The following DDHD1 variants were observed in gnomAD, a reference collection of about 807,000 sequenced individuals.
DDHD1 encodes DDHD domain containing 1.
DDHD1 carries 49 observed loss-of-function variants against 96.4 expected under a neutral mutation model. That is an observed-to-expected ratio of 0.51 (90% CI 0.40 to 0.64). DDHD1 has a LOEUF of 0.64. Among genes scored for constraint, DDHD1 ranks in the 30% least tolerant of loss-of-function variants. DDHD1 has a pLI of 0.00. For missense variants in DDHD1, 1,106 were observed against 1,161.2 expected, an observed-to-expected ratio of 0.95 and a Z score of 0.69; for synonymous variants, 442 against 446.5, an observed-to-expected ratio of 0.99 and a Z score of 0.13.
intron 1 of DDHD1, among the ~76,000 whole-genome samples, chr14:53,120,935 A>T (rs1888933765): frequency 3.9e-5 from 6 of 152,242 alleles, no homozygotes; most frequent in Admixed American, 3.9e-4. Flanking sequence ...CAAAAAGTCA[A>T]AATTGACAAG....
chr14:53,061,506 C>T, intron 7 of DDHD1, among the ~76,000 whole-genome samples: 1 of 152,000 alleles, frequency 6.6e-6, no homozygotes, highest in Middle Eastern at 3.4e-3. Context: ...ATGGTTAATA[C>T]CATATATACT....
intron 1 of DDHD1, among the ~76,000 whole-genome samples, chr14:53,143,786 C>T (rs544812610): frequency 1.3e-5 from 2 of 152,308 alleles, no homozygotes; most frequent in African/African-American, 4.8e-5. Context: ...ACATAAAGTA[C>T]ATTGATTTCT....
At chr14:53,065,999 T>C (rs1030705997) in intron 6 of DDHD1, among the ~76,000 whole-genome samples, 1 of 152,216 alleles carries the variant, frequency 6.6e-6, no homozygotes, top group Non-Finnish European at 1.5e-5. Context: ...GACCATGAAT[T>C]GTACCGGAAA....
Position 53,038,355 on chromosome 14 carries a change from G to A in DDHD1, c.*8413C>T, listed in dbSNP as rs1433907586. ...CAAAATCAATGCACAAAAATTAGGA[G>A]CATTTCTATACACCAATAACGTTCA... On this transcript the variant is annotated 3_prime_UTR_variant, in exon 13 of 13. Transcript: ENST00000673822. 1 of 152,106 alleles carries A rather than the reference G, an allele frequency of 6.6e-6. No homozygotes were observed. The highest frequency in any genetic ancestry group is 2.4e-5 in the African/African-American group (1 of 41,418). The allele number at this position is 152,106 out of a possible 1,614,324, so 9.4% of individuals were successfully genotyped here. A position where few individuals can be genotyped will look rare whatever the true frequency, so the allele number is the denominator to read the frequency against.
chr14:53,133,107 TGGAAATCTATCCTCAG>T (rs1889993312), intron 1 of DDHD1, among the ~76,000 whole-genome samples: 1 of 152,232 alleles, frequency 6.6e-6, no homozygotes, highest in South Asian at 2.1e-4. Flanking sequence ...CTTTCCATCA[TGGAAATCTATCCTCAG>T]GGAAATCACT....
intron 1 of DDHD1, among the ~76,000 whole-genome samples, chr14:53,149,322 T>C (rs996798711): frequency 7.2e-5 from 11 of 152,210 alleles, no homozygotes; most frequent in African/African-American, 1.9e-4. Context: ...CCATTCTACA[T>C]AGGAACTTAC....
Position 53,062,283 on chromosome 14 carries a change from T to C in DDHD1, c.1766+660A>G, listed in dbSNP as rs758277983. ...AAAACAAAACTAGTAAAAATTTTAGTCAATTAGCACATTTGTTTTAATATG... is the reference window on the plus strand; with the variant it reads ...AAAACAAAACTAGTAAAAATTTTAGCCAATTAGCACATTTGTTTTAATATG... On this transcript the variant is annotated intron_variant, in intron 7 of 12. Coordinates refer to ENST00000673822, the MANE Select transcript of DDHD1 (RefSeq NM_001160148.2). Among the ~76,000 whole-genome samples the C allele has an allele frequency of 2.0e-5, 3 of 151,978 alleles. No individual in the cohort carries two copies. The East Asian group carries it at 5.8e-4, about 29-fold the overall frequency.
intron 8 of DDHD1, among the ~76,000 whole-genome samples, chr14:53,060,069 GT>G (rs1175259358): frequency 6.6e-6 from 1 of 151,624 alleles, no homozygotes; most frequent in African/African-American, 2.4e-5. Context: ...AACTCTTAAC[GT>G]TTTAAAGAAA....
At chr14:53,130,733 G>C (rs1490729867) in intron 1 of DDHD1, among the ~76,000 whole-genome samples, 6 of 152,322 alleles carry the variant, frequency 3.9e-5, no homozygotes, top group Middle Eastern at 3.4e-3. Flanking sequence ...CTCGTAAGCT[G>C]TTGTCCCATC....
chr14:53,052,031 T>C (rs1456884009), intron 11 of DDHD1, 104 bp from the exon 12 acceptor site: 1 of 779,994 alleles, frequency 1.3e-6, no homozygotes, highest in Non-Finnish European at 2.1e-6. Flanking sequence ...CCAAATAAAC[T>C]GACTAAATCT....
intron 4 of DDHD1, among the ~76,000 whole-genome samples, chr14:53,080,094 T>C (rs950970318): frequency 6.6e-6 from 1 of 152,252 alleles, no homozygotes; most frequent in African/African-American, 2.4e-5. Context: ...GGTGCATTGC[T>C]CACGCCTGTA....
At chr14:53,125,665 T>C (rs1889369040) in intron 1 of DDHD1, among the ~76,000 whole-genome samples, 3 of 152,158 alleles carry the variant, frequency 2.0e-5, no homozygotes, top group East Asian at 1.9e-4. Flanking sequence ...ACCTGGCCTA[T>C]AGTCAGAATC....
chr14:53,061,266 C>A, intron 7 of DDHD1, 65 bp from the exon 8 acceptor site: 1 of 1,417,314 alleles, frequency 7.1e-7, no homozygotes, highest in South Asian at 1.4e-5. Context: ...TAGATGCTTG[C>A]TAGCTTACTA....
At chr14:53,053,603 T>A (rs1029240318) in intron 11 of DDHD1, 2 of 152,116 alleles carry the variant, frequency 1.3e-5, no homozygotes, top group Non-Finnish European at 2.9e-5. Context: ...AAGAACACAA[T>A]ACTCTAAGTA....
intron 1 of DDHD1, among the ~76,000 whole-genome samples, chr14:53,121,897 G>C (rs541695453): frequency 1.4e-5 from 2 of 144,346 alleles, no homozygotes; most frequent in Non-Finnish European, 3.0e-5. Flanking sequence ...AAACCTGCAC[G>C]TTCTGCGCAT....
At chr14:53,078,210 C>T (rs1885137714) in intron 4 of DDHD1, among the ~76,000 whole-genome samples, 1 of 152,162 alleles carries the variant, frequency 6.6e-6, no homozygotes, top group African/African-American at 2.4e-5. Flanking sequence ...CTTTCCAAAG[C>T]AGCTGTACTA....
intron 1 of DDHD1, among the ~76,000 whole-genome samples, chr14:53,151,955 A>AT (rs1891413493): frequency 6.6e-6 from 1 of 152,212 alleles, no homozygotes; most frequent in Non-Finnish European, 1.5e-5. Context: ...GGATCACGAA[A>AT]TTAAACCTCG....
chr14:53,120,567 C>G (rs926129772), intron 1 of DDHD1, among the ~76,000 whole-genome samples: 1 of 152,130 alleles, frequency 6.6e-6, no homozygotes, highest in South Asian at 2.1e-4. Flanking sequence ...GCTACAGTAA[C>G]CAAAACAGCA....
intron 1 of DDHD1, among the ~76,000 whole-genome samples, chr14:53,147,440 T>C (rs529045873): frequency 1.3e-5 from 2 of 152,182 alleles, no homozygotes; most frequent in African/African-American, 4.8e-5. Flanking sequence ...AAACATGCAT[T>C]ATAACATTTT....
Sources: gnomAD v4.1 joint callset for allele counts (sites outside exome capture counted in the v4.1 genomes callset) on GRCh38, gnomAD v4.1.1 for gene constraint, MANE v1.5 for transcripts, NCBI Gene and HGNC (gene_info 2026-07-23, HGNC 2026-07-21) for gene names.